Variants in FLRT3 observed in about 807,000 individuals in gnomAD.
FLRT3 encodes the protein fibronectin leucine rich transmembrane protein 3, also known as leucine-rich repeat transmembrane protein FLRT3.
Under a neutral mutation model 42.6 loss-of-function variants are expected in FLRT3, and 17 were observed. That is an observed-to-expected ratio of 0.40 (90% CI 0.27 to 0.60). FLRT3 has a LOEUF of 0.60. Among genes scored for constraint, FLRT3 ranks in the 20% least tolerant of loss-of-function variants. The probability of loss-of-function intolerance (pLI) is 0.44; values close to 1 mark genes in which losing one functional copy is unlikely to be tolerated. For missense variants in FLRT3, 635 were observed against 789.2 expected, an observed-to-expected ratio of 0.80 and a Z score of 2.34; for synonymous variants, 279 against 286.4, an observed-to-expected ratio of 0.97 and a Z score of 0.26.
In FLRT3 at chr20:14,337,415, GA is replaced by G; in HGVS notation, c.-259del. 5.3e-6 allele frequency: 2 copies of G among 379,976 alleles called. No individual in the cohort carries two copies. Among genetic ancestry groups the G allele is most frequent in the Non-Finnish European group, 4.7e-6 (1 of 214,892 alleles). 23.5% of individuals were successfully genotyped at this position (379,976 alleles called of 1,614,324 possible). A position where few individuals can be genotyped will look rare whatever the true frequency, so the allele number is the denominator to read the frequency against. On this transcript the variant is annotated 5_prime_UTR_variant, in exon 1 of 3. Transcript: ENST00000341420. ...TGGAAAACACTTACCAGGAAGACGA[GA>G]AAAAGCAATCCTATATACACTGCCG...
At chr20:14,331,610 C>G (rs1430566697) in intron 1 of FLRT3, among the ~76,000 whole-genome samples, 2 of 152,082 alleles carry the variant, frequency 1.3e-5, no homozygotes, top group Admixed American at 1.3e-4. Context: ...CTCTCATATG[C>G]CCCTGCTCCC....
At chr20:14,333,358 A>G (rs189965809) in intron 1 of FLRT3, among the ~76,000 whole-genome samples, 6 of 152,294 alleles carry the variant, frequency 3.9e-5, no homozygotes, top group African/African-American at 1.4e-4. Flanking sequence ...AAGTTAAATC[A>G]AGCATCCTTA....
intron 1 of FLRT3, among the ~76,000 whole-genome samples, chr20:14,329,678 A>G (rs1170328169): frequency 6.6e-6 from 1 of 152,142 alleles, no homozygotes; most frequent in Admixed American, 6.6e-5. Flanking sequence ...TACATGTCAA[A>G]GAGGTGAGCA....
Position 14,326,044 on chromosome 20 carries a change from T to C in FLRT3, c.1463A>G (p.Tyr488Cys). Residue 488 changes from tyrosine (Y) to cysteine (C), a missense_variant, in exon 3 of 3, where the codon TAC (tyrosine) becomes TGC (cysteine). Transcript: ENST00000341420. The surrounding 1 kb of genome is among the most constrained non-coding windows in gnomAD (Gnocchi z 5.5). ...CMVPMETSNL[Y>C]LFDETPVCIE... ...ACAAACAGGAGTTTCATCAAATAGGTAGAGGTTGCTGGTTTCCATGGGAAC... is the reference window on the plus strand; with the variant it reads ...ACAAACAGGAGTTTCATCAAATAGGCAGAGGTTGCTGGTTTCCATGGGAAC... 6.2e-7 allele frequency: 1 copy of C among 1,613,864 alleles called. No homozygotes were observed. The highest frequency in any genetic ancestry group is 8.5e-7 in the Non-Finnish European group (1 of 1,179,868).
intron 1 of FLRT3, among the ~76,000 whole-genome samples, chr20:14,335,641 G>A (rs2082922096): frequency 6.6e-6 from 1 of 152,074 alleles, no homozygotes; most frequent in African/African-American, 2.4e-5. Context: ...AAAGGGTGGG[G>A]TGCAGCGAAA....
chr20:14,329,270 G>A lies in FLRT3; in HGVS notation c.-189C>T, dbSNP rs2082791485. Reference sequence around the variant, plus strand: ...AAATTCTTCATTTAAAGAAAAGGAGGCATACTAAATTTCCTTTATATTTCT... The same window carrying A: ...AAATTCTTCATTTAAAGAAAAGGAGACATACTAAATTTCCTTTATATTTCT... On this transcript the variant is annotated 5_prime_UTR_variant, in exon 2 of 3. Coordinates refer to ENST00000341420, the MANE Select transcript of FLRT3 (RefSeq NM_198391.3). The A allele has an allele frequency of 6.6e-6, 1 of 151,974 alleles. No homozygotes were observed. The highest frequency in any genetic ancestry group is 1.5e-5 in the Non-Finnish European group (1 of 67,970). The allele number at this position is 151,974 out of a possible 1,614,324, so 9.4% of individuals were successfully genotyped here.
In FLRT3 at chr20:14,326,118, C is replaced by T. The variant is rs1357575649; in HGVS notation, c.1389G>A (p.Glu463=). 1.2e-6 allele frequency: 2 copies of T among 1,613,850 alleles called. No individual in the cohort carries two copies. Among genetic ancestry groups the T allele is most frequent in the Admixed American group, 1.7e-5 (1 of 59,982 alleles). ...TETIVTGERS[E]YLVTALEPDS... ...CAGGCTCCAGGGCTGTGACCAAGTA[C>T]TCACTGCGTTCCCCTGTTACAATTG... Residue 463 remains glutamate (E), a synonymous_variant, in exon 3 of 3, where the codon GAG becomes GAA. Coordinates refer to ENST00000341420, the MANE Select transcript of FLRT3 (RefSeq NM_198391.3). This position sits in a 1 kb window ranked among gnomAD's most constrained non-coding sequence, Gnocchi z 5.5.
At position 14,323,528 on chromosome 20, in the gene FLRT3, G is replaced by A. The variant is rs973300166; in HGVS notation, c.*2029C>T. ...TGCTTGATTAAACCACTGGTCACTG[G>A]TGATCAACTTAATCTTCATCCACTT... On this transcript the variant is annotated 3_prime_UTR_variant, in exon 3 of 3. Transcript: ENST00000341420. 7 of 152,112 alleles carry A rather than the reference G, an allele frequency of 4.6e-5. 1 individual carries two copies. The highest frequency in any genetic ancestry group is 8.8e-5 in the Non-Finnish European group (6 of 68,024). 9.4% of individuals were successfully genotyped at this position (152,112 alleles called of 1,614,324 possible).
intron 1 of FLRT3, among the ~76,000 whole-genome samples, chr20:14,329,837 G>A (rs2082801415): frequency 6.6e-6 from 1 of 151,970 alleles, no homozygotes; most frequent in Non-Finnish European, 1.5e-5. Flanking sequence ...TGCCCTGTTT[G>A]ATTCCTCCTG....
In FLRT3 at chr20:14,323,892, A is replaced by G. The variant is rs978185315; in HGVS notation, c.*1665T>C. The G allele has an allele frequency of 1.3e-5, 2 of 152,220 alleles. No individual in the cohort carries two copies. Among genetic ancestry groups the G allele is most frequent in the Non-Finnish European group, 2.9e-5 (2 of 68,042 alleles). 9.4% of individuals were successfully genotyped at this position (152,220 alleles called of 1,614,324 possible). A position where few individuals can be genotyped will look rare whatever the true frequency, so the allele number is the denominator to read the frequency against. On this transcript the variant is annotated 3_prime_UTR_variant, in exon 3 of 3. Transcript: ENST00000341420. ...CCTAAGAGAGAAAGGCTTTGAAACC[A>G]TTTCTTAAATTTTCCATCTATACAG...
In FLRT3 at chr20:14,325,504, C is replaced by G. The variant is rs1382891526; in HGVS notation, c.*53G>C. ...AGTAGAACAGGGTTCCTACCATCAC[C>G]TCCCTTAGGTTTAAAAAACCCAAAA... On this transcript the variant is annotated 3_prime_UTR_variant, in exon 3 of 3. Transcript: ENST00000341420. The G allele has an allele frequency of 1.3e-6, 2 of 1,539,178 alleles. No individual in the cohort carries two copies. The highest frequency in any genetic ancestry group is 4.5e-5 in the East Asian group (2 of 44,348).
At chr20:14,330,462 A>T (rs75484167) in intron 1 of FLRT3, among the ~76,000 whole-genome samples, 2,285 of 152,166 alleles carry the variant, frequency 0.015, 23 homozygotes, top group African/African-American at 0.027. Context: ...CAAGTATAGC[A>T]TCTGTTCCAT....
intron 1 of FLRT3, among the ~76,000 whole-genome samples, chr20:14,330,421 G>A (rs1358032688): frequency 6.6e-6 from 1 of 151,968 alleles, no homozygotes; most frequent in East Asian, 1.9e-4. Flanking sequence ...GTAGCAATTT[G>A]CTTCTCCCAC....
intron 1 of FLRT3, among the ~76,000 whole-genome samples, chr20:14,334,527 T>C (rs568649461): frequency 6.6e-6 from 1 of 152,170 alleles, no homozygotes; most frequent in Non-Finnish European, 1.5e-5. Flanking sequence ...TGGGGGGTGG[T>C]ACACTCTACC....
rs1359890806 is a variant in FLRT3, at chr20:14,327,309, C to T, written c.198G>A (p.Gln66=). 6.2e-7 allele frequency: 1 copy of T among 1,613,696 alleles called. No homozygotes were observed. Among genetic ancestry groups the T allele is most frequent in the Non-Finnish European group, 8.5e-7 (1 of 1,179,780 alleles). Residue 66 remains glutamine (Q), a synonymous_variant, in exon 3 of 3, where the codon CAG becomes CAA. Transcript: ENST00000341420. ...TCCCAGCATTATTTATTTGGTTGTTCTGAAGGTAGAGAGTTGTAGCATCCT... is the reference window on the plus strand; with the variant it reads ...TCCCAGCATTATTTATTTGGTTGTTTTGAAGGTAGAGAGTTGTAGCATCCT... ...IPEDATTLYL[Q]NNQINNAGIP...
chr20:14,336,058 G>A (rs914390251), intron 1 of FLRT3, among the ~76,000 whole-genome samples: 8 of 151,868 alleles, frequency 5.3e-5, no homozygotes, highest in Middle Eastern at 3.2e-3. Flanking sequence ...TGTCACTTTG[G>A]GTCAGGTATA....
In FLRT3 at chr20:14,323,890, C is replaced by A. The variant is rs1269681993; in HGVS notation, c.*1667G>T. The A allele has an allele frequency of 6.6e-6, 1 of 152,128 alleles. No homozygotes were observed. The highest frequency in any genetic ancestry group is 1.9e-4 in the East Asian group (1 of 5,192). The allele number at this position is 152,128 out of a possible 1,614,324, so 9.4% of individuals were successfully genotyped here. On this transcript the variant is annotated 3_prime_UTR_variant, in exon 3 of 3. Transcript: ENST00000341420. ...CGCCTAAGAGAGAAAGGCTTTGAAA[C>A]CATTTCTTAAATTTTCCATCTATAC...
Position 14,326,426 on chromosome 20 carries a change from C to G in FLRT3, c.1081G>C (p.Val361Leu), listed in dbSNP as rs776024502. 14 of 1,613,796 alleles carry G rather than the reference C, an allele frequency of 8.7e-6. No individual in the cohort carries two copies. The highest frequency in any genetic ancestry group is 1.3e-5 in the African/African-American group (1 of 74,874). The change falls in exon 3 of 3, where the codon GTA becomes CTA. Residue 361 changes from valine to leucine, a missense_variant. Physicochemically the swap from Val to Leu is conservative, Grantham distance 32. Coordinates refer to ENST00000341420, the MANE Select transcript of FLRT3 (RefSeq NM_198391.3). This position sits in a 1 kb window ranked among gnomAD's most constrained non-coding sequence, Gnocchi z 5.5. ...ELFDCKDSGI[V>L]STIQITTAIP... ...GCAGTGGTTATCTGAATGGTGCTTA[C>G]AATCCCACTGTCCTTACAATCAAAC...
intron 1 of FLRT3, among the ~76,000 whole-genome samples, chr20:14,335,827 C>T (rs894562362): frequency 2.6e-5 from 4 of 152,106 alleles, no homozygotes; most frequent in Admixed American, 2.6e-4. Flanking sequence ...TTTTGTAACT[C>T]TGTTTTTATT....
Sources: gnomAD v4.1 joint callset for allele counts (sites outside exome capture counted in the v4.1 genomes callset) on GRCh38, gnomAD v4.1.1 for gene constraint, Gnocchi (gnomAD v3.1) non-coding constraint, MANE v1.5 for transcripts, NCBI Gene and HGNC (gene_info 2026-07-23, HGNC 2026-07-21) for gene names.